The following KLHL25 variants were observed in gnomAD, a reference collection of about 807,000 sequenced individuals.
The protein encoded by KLHL25 is kelch-like protein 25.
Under a neutral mutation model 30.0 loss-of-function variants are expected in KLHL25, and 41 were observed. The observed-to-expected ratio is 1.37, with a 90% CI of 1.07 to 1.78. KLHL25 has a LOEUF of 1.78. KLHL25 is among the 40% of genes most tolerant of loss of function. The pLI is 0.00. For missense variants in KLHL25, 971 were observed against 824.5 expected, an observed-to-expected ratio of 1.18 and a Z score of -2.18; for synonymous variants, 399 against 355.3, an observed-to-expected ratio of 1.12 and a Z score of -1.38.
In KLHL25 at chr15:85,772,548, G is replaced by A. The variant is rs531494875; in HGVS notation, c.-10-2728C>T. ...CCCAGCTCCTCACCTTAGTAACTAC[G>A]GCCCTGGAACCAACACACCTAGAAC... On this transcript the variant is annotated intron_variant, in intron 1 of 2. Transcript: ENST00000337975. Among the ~76,000 whole-genome samples the A allele has an allele frequency of 9.2e-5, 14 of 152,290 alleles. No individual in the cohort carries two copies. In the South Asian group the frequency reaches 2.5e-3, roughly 27 times the overall value.
intron 1 of KLHL25, among the ~76,000 whole-genome samples, chr15:85,794,107 T>A (rs962782087): frequency 3.9e-5 from 6 of 152,098 alleles, no homozygotes; most frequent in African/African-American, 1.4e-4. Context: ...AGTGTGGTAA[T>A]TAGAGTCAGG....
intron 1 of KLHL25, among the ~76,000 whole-genome samples, chr15:85,775,008 C>G (rs2089700797): frequency 2.6e-5 from 4 of 151,854 alleles, no homozygotes; most frequent in African/African-American, 9.7e-5. Flanking sequence ...TCCCGAGTAG[C>G]TGGGATTACA....
At chr15:85,778,686 C>A (rs1020057467) in intron 1 of KLHL25, among the ~76,000 whole-genome samples, 1 of 152,198 alleles carries the variant, frequency 6.6e-6, no homozygotes, top group African/African-American at 2.4e-5. Flanking sequence ...CGTTCAAATC[C>A]AGGCCATCCC....
At chr15:85,776,218 GT>G (rs2089708418) in intron 1 of KLHL25, among the ~76,000 whole-genome samples, 1 of 148,592 alleles carries the variant, frequency 6.7e-6, no homozygotes, top group South Asian at 2.1e-4. Context: ...GCAGGGCACA[GT>G]GGTTCACGCC....
At position 85,768,545 on chromosome 15, in the gene KLHL25, G is replaced by A. The variant is rs138577845; in HGVS notation, c.1266C>T (p.Asn422=). Residue 422 remains asparagine (N), a synonymous_variant, in exon 2 of 3, where the codon AAC becomes AAT. Transcript: ENST00000337975. The part of the protein sequence containing the change: ...KQVEKYDPGA[N]KWMMVAPLRD... Reference sequence around the variant, plus strand: ...GCAAGGGGGCCACCATCATCCACTTGTTGGCCCCAGGGTCGTATTTCTCCA... The same window carrying A: ...GCAAGGGGGCCACCATCATCCACTTATTGGCCCCAGGGTCGTATTTCTCCA... 6.2e-7 allele frequency: 1 copy of A among 1,613,510 alleles called. No individual in the cohort carries two copies. The highest frequency in any genetic ancestry group is 8.5e-7 in the Non-Finnish European group (1 of 1,179,842).
In KLHL25 at chr15:85,769,564, G is replaced by C; in HGVS notation, c.247C>G (p.Arg83Gly). 6.2e-7 allele frequency: 1 copy of C among 1,613,746 alleles called. No homozygotes were observed. The highest frequency in any genetic ancestry group is 8.5e-7 in the Non-Finnish European group (1 of 1,180,036). Residue 83 changes from arginine (R) to glycine (G), a missense_variant, in exon 2 of 3, where the codon CGG (arginine) becomes GGG (glycine). Transcript: ENST00000337975. ...TCCTGGAAGTTGACAGTGTCATCCC[G>C]GCTCTCCCGAAGGCCATGGCTGAAC... ...AMFSHGLRESRDDTVNFQDNL... is the reference protein window; with the variant it reads ...AMFSHGLRESGDDTVNFQDNL...
At chr15:85,774,396 A>G (rs1040354991) in intron 1 of KLHL25, among the ~76,000 whole-genome samples, 29 of 152,166 alleles carry the variant, frequency 1.9e-4, no homozygotes, top group African/African-American at 7.0e-4. Flanking sequence ...ACTCAGCTAA[A>G]ATGTACCGGG....
intron 1 of KLHL25, among the ~76,000 whole-genome samples, chr15:85,770,133 C>T (rs1391926945): frequency 6.6e-6 from 1 of 152,226 alleles, no homozygotes; most frequent in African/African-American, 2.4e-5. Flanking sequence ...GTTAAGAGAA[C>T]ATGCAAACGG....
At chr15:85,770,365 T>G in intron 1 of KLHL25, 1 of 447,524 alleles carries the variant, frequency 2.2e-6, no homozygotes, top group Non-Finnish European at 4.5e-6. Context: ...TCAAGGTGAC[T>G]AATCCCTGCA....
chr15:85,770,371 C>T, intron 1 of KLHL25: 2 of 456,034 alleles, frequency 4.4e-6, no homozygotes, highest in South Asian at 3.1e-5. Context: ...TGACTAATCC[C>T]TGCAGGGTTT....
At chr15:85,777,153 G>A (rs894508157) in intron 1 of KLHL25, among the ~76,000 whole-genome samples, 21 of 152,184 alleles carry the variant, frequency 1.4e-4, no homozygotes, top group Admixed American at 1.3e-3. Context: ...CAAGGATCAG[G>A]GAAGGGCTGA....
At chr15:85,785,156 T>A (rs1296109767) in intron 1 of KLHL25, among the ~76,000 whole-genome samples, 1 of 149,726 alleles carries the variant, frequency 6.7e-6, no homozygotes, top group African/African-American at 2.5e-5. Context: ...TGCAGTGGTG[T>A]GATCTCGGCT....
intron 2 of KLHL25, among the ~76,000 whole-genome samples, chr15:85,764,740 A>C (rs897724499): frequency 6.6e-6 from 1 of 152,128 alleles, no homozygotes. Flanking sequence ...AGCACCCCAA[A>C]ACCATCAGCA....
intron 1 of KLHL25, among the ~76,000 whole-genome samples, chr15:85,785,087 C>CTTTTTTTTTTTTTTTTTTTTTTTTT (rs754310721): frequency 7.2e-6 from 1 of 139,082 alleles, no homozygotes; most frequent in Non-Finnish European, 1.6e-5. Context: ...TGATGTATTT[C>CTTTTTTTTTTTTTTTTTTTTTTTTT]TTTTTTCTTT....
Position 85,769,163 on chromosome 15 carries a change from C to T in KLHL25, c.648G>A (p.Gln216=). ...DERVVFEAIL[Q]WVKHDLEPRK... ...GTGGCTCCAGGTCGTGCTTCACCCA[C>T]TGGAGGATGGCCTCGAAGACCACCC... Residue 216 remains glutamine (Q), a synonymous_variant, in exon 2 of 3, where the codon CAG becomes CAA. Transcript: ENST00000337975. The T allele has an allele frequency of 6.2e-7, 1 of 1,613,212 alleles. No homozygotes were observed. The highest frequency in any genetic ancestry group is 1.3e-5 in the African/African-American group (1 of 75,060).
At chr15:85,780,534 T>A (rs2089736570) in intron 1 of KLHL25, among the ~76,000 whole-genome samples, 2 of 152,118 alleles carry the variant, frequency 1.3e-5, no homozygotes, top group South Asian at 4.2e-4. Flanking sequence ...AGATATCACT[T>A]TCAATGAACC....
rs904403348 is a variant in KLHL25, at chr15:85,789,349, G to C, written c.-11+5417C>G. Among the ~76,000 whole-genome samples, 3 of 151,882 alleles carry C rather than the reference G, an allele frequency of 2.0e-5. No individual in the cohort carries two copies. Among genetic ancestry groups the C allele is most frequent in the African/African-American group, 7.2e-5 (3 of 41,398 alleles). ...AACTGGTCTTGCAGGCTGGTGCTCA[G>C]TCGCCTCCTCCTGCCCTGCTGGGCT... On this transcript the variant is annotated intron_variant, in intron 1 of 2. Transcript: ENST00000337975. The surrounding 1 kb of genome is among the most constrained non-coding windows in gnomAD (Gnocchi z 4.1).
intron 1 of KLHL25, among the ~76,000 whole-genome samples, chr15:85,774,556 A>G (rs1295672124): frequency 6.6e-6 from 1 of 152,194 alleles, no homozygotes; most frequent in African/African-American, 2.4e-5. Context: ...CTATCCTGAG[A>G]GAAATAGGAA....
rs139814429 is a variant in KLHL25 at position 85,768,967 on chromosome 15, C to T, written c.844G>A (p.Val282Met). The change falls in exon 2 of 3, where the codon GTG becomes ATG. Residue 282 changes from valine (V) to methionine (M), a missense_variant. Transcript: ENST00000337975. Reference protein sequence around the residue: ...CKTRILQNDGVVTSPCARPRK... With the variant: ...CKTRILQNDGMVTSPCARPRK... ...GGCCGGGCACAGGGGCTGGTGACCA[C>T]GCCATCATTCTGCAGGATCCTGGTC... 8,061 of 1,613,078 alleles carry T rather than the reference C, an allele frequency of 5.0e-3. 58 individuals carry two copies. The highest frequency in any genetic ancestry group is 0.019 in the South Asian group (1,707 of 91,078).
Sources: allele counts gnomAD v4.1 joint callset (sites outside exome capture counted in the v4.1 genomes callset), GRCh38; gene constraint gnomAD v4.1.1; non-coding constraint Gnocchi (gnomAD v3.1); transcripts MANE v1.5; gene names NCBI Gene and HGNC (gene_info 2026-07-23, HGNC 2026-07-21).